Variants in RPS6KA3 observed in about 807,000 individuals in gnomAD.
RPS6KA3 encodes ribosomal protein S6 kinase A3, also known as ribosomal protein S6 kinase alpha-3.
RPS6KA3 carries 4 observed loss-of-function variants against 67.2 expected under a neutral mutation model. The observed-to-expected ratio is 0.06, with a 90% CI of 0.03 to 0.14. RPS6KA3 has a LOEUF of 0.14. RPS6KA3 is among the 10% of genes least tolerant of loss of function. The pLI is 1.00. For missense variants in RPS6KA3, 204 were observed against 559.0 expected (o/e 0.36, Z 6.40); for synonymous variants, 182 against 183.7 (o/e 0.99, Z 0.07).
At chrX:20,252,929 T>C (rs1231172309) in intron 1 of RPS6KA3, among the ~76,000 whole-genome samples, 2 of 110,497 alleles carry the variant, frequency 1.8e-5, no homozygotes, top group Non-Finnish European at 3.8e-5. Context: ...AAGGTGAGGG[T>C]AGAGTATGGA....
At chrX:20,239,922 G>C (rs1320428871) in intron 1 of RPS6KA3, among the ~76,000 whole-genome samples, 1 of 111,397 alleles carries the variant, frequency 9.0e-6, no homozygotes, top group Non-Finnish European at 1.9e-5. Context: ...ACTTTATTAA[G>C]CAGATTGCTT....
chrX:20,160,033 T>C (rs1229077485), intron 20 of RPS6KA3, among the ~76,000 whole-genome samples: 1 of 112,172 alleles, frequency 8.9e-6, no homozygotes, highest in African/African-American at 3.2e-5. Flanking sequence ...CATCACCACC[T>C]ATCTGCATGT....
intron 2 of RPS6KA3, among the ~76,000 whole-genome samples, chrX:20,214,890 G>A (rs1052719439): frequency 1.0e-5 from 1 of 100,444 alleles, no homozygotes; most frequent in African/African-American, 3.8e-5. Flanking sequence ...CCACGCTGGA[G>A]TGCAATGGTG....
chrX:20,207,019 T>C (rs1184218422), intron 3 of RPS6KA3, among the ~76,000 whole-genome samples: 1 of 111,837 alleles, frequency 8.9e-6, no homozygotes, highest in Non-Finnish European at 1.9e-5. Context: ...ATCTTTATCG[T>C]AAAAGCAAAG....
intron 6 of RPS6KA3, among the ~76,000 whole-genome samples, 172 bp downstream of exon 6, chrX:20,194,017 C>A (rs902202504): frequency 8.9e-6 from 1 of 112,278 alleles, no homozygotes; most frequent in Admixed American, 9.5e-5. Flanking sequence ...AATTTAAAGT[C>A]CTGCTTTCAG....
intron 10 of RPS6KA3, among the ~76,000 whole-genome samples, chrX:20,182,410 T>C (rs2067865667): frequency 8.9e-6 from 1 of 112,103 alleles, no homozygotes; most frequent in African/African-American, 3.2e-5. Flanking sequence ...TATGGCATAC[T>C]ACACCCATGC....
intron 1 of RPS6KA3, among the ~76,000 whole-genome samples, chrX:20,259,724 G>A (rs1008661962): frequency 6.3e-5 from 7 of 111,410 alleles, no homozygotes; most frequent in Middle Eastern, 4.6e-3. Context: ...AATGCCGTGG[G>A]CCATATCCAT....
intron 10 of RPS6KA3, among the ~76,000 whole-genome samples, chrX:20,184,158 C>G (rs185755235): frequency 1.1e-3 from 125 of 111,424 alleles, no homozygotes; most frequent in African/African-American, 3.9e-3. Flanking sequence ...AAGTGATTCT[C>G]CTGCCTCAGC....
chrX:20,253,890 A>G (rs972546038), intron 1 of RPS6KA3, among the ~76,000 whole-genome samples: 4 of 110,840 alleles, frequency 3.6e-5, no homozygotes, highest in African/African-American at 1.3e-4. Context: ...AGTATACTAT[A>G]CATACTCAGA....
At chrX:20,158,387 A>AAAAAG (rs1406774782) in intron 20 of RPS6KA3, among the ~76,000 whole-genome samples, 2 of 97,418 alleles carry the variant, frequency 2.1e-5, no homozygotes, top group African/African-American at 8.5e-5. Flanking sequence ...AAAAAAAAAA[A>AAAAAG]AGAGAGAGAG....
chrX:20,240,285 CTTTTTTTTTTTTTTTTT>C (rs778713587), intron 1 of RPS6KA3, among the ~76,000 whole-genome samples: 11 of 54,384 alleles, frequency 2.0e-4, no homozygotes, highest in Non-Finnish European at 3.4e-4. Flanking sequence ...AAGGACCATA[CTTTTTTTTTTTTTTTTT>C]TTTTTTTTTT....
chrX:20,264,479 G>C (rs933405101), intron 1 of RPS6KA3, among the ~76,000 whole-genome samples: 1 of 112,183 alleles, frequency 8.9e-6, no homozygotes, highest in Non-Finnish European at 1.9e-5. Flanking sequence ...ACCTGGCTTT[G>C]AATTATGGCT....
chrX:20,243,531 G>C (rs1054006952), intron 1 of RPS6KA3, among the ~76,000 whole-genome samples: 4 of 111,842 alleles, frequency 3.6e-5, no homozygotes, highest in African/African-American at 1.3e-4. Flanking sequence ...TGTCACCCAG[G>C]TTGGAGTGCA....
Position 20,186,188 on chromosome X carries a change from T to G in RPS6KA3, c.845+108A>C, listed in dbSNP as rs113133441. 4.3e-3 allele frequency: 2,389 copies of G among 552,206 alleles called. 15 individuals are homozygous for G. The highest frequency in any genetic ancestry group is 0.027 in the African/African-American group (1,170 of 43,579). 45.5% of individuals were successfully genotyped at this position (552,206 alleles called of 1,213,427 possible). A position where few individuals can be genotyped will look rare whatever the true frequency, so the allele number is the denominator to read the frequency against. On this transcript the variant is annotated intron_variant, in intron 10 of 21. Transcript: ENST00000379565. ...AACTCCTGATCTCAAGTGATCCGTC[T>G]TCCTTGCCCTCCCAAAGTGCTGGGA...
intron 1 of RPS6KA3, among the ~76,000 whole-genome samples, chrX:20,247,276 A>T (rs2147034699): frequency 9.1e-6 from 1 of 110,460 alleles, no homozygotes; most frequent in South Asian, 3.8e-4. Flanking sequence ...AAAATACAAA[A>T]ATTAGCTGGG....
At chrX:20,185,090 C>T (rs1042489298) in intron 10 of RPS6KA3, among the ~76,000 whole-genome samples, 5 of 110,976 alleles carry the variant, frequency 4.5e-5, no homozygotes, top group Admixed American at 1.9e-4. Context: ...GGATTACAGG[C>T]ACCTGCTACC....
intron 4 of RPS6KA3, among the ~76,000 whole-genome samples, chrX:20,196,879 G>A (rs1026545259): frequency 8.1e-5 from 9 of 111,442 alleles, no homozygotes; most frequent in African/African-American, 2.0e-4. Flanking sequence ...TATCGCTGTC[G>A]CCCTGGCTGG....
intron 2 of RPS6KA3, among the ~76,000 whole-genome samples, chrX:20,227,815 A>C (rs1170585478): frequency 9.0e-6 from 1 of 110,769 alleles, no homozygotes; most frequent in East Asian, 2.8e-4. Flanking sequence ...AACCATTCTG[A>C]TTTCAGAGAT....
intron 7 of RPS6KA3, among the ~76,000 whole-genome samples, chrX:20,189,155 A>G (rs1353412251): frequency 2.7e-5 from 3 of 109,883 alleles, no homozygotes; most frequent in Non-Finnish European, 3.8e-5. Context: ...AACCTACACA[A>G]TCCTCTTCTC....
Sources: gnomAD v4.1 joint callset for allele counts (sites outside exome capture counted in the v4.1 genomes callset) on GRCh38, gnomAD v4.1.1 for gene constraint, MANE v1.5 for transcripts, NCBI Gene and HGNC (gene_info 2026-07-23, HGNC 2026-07-21) for gene names.